ACTR3: variants seen among roughly 807,000 people sequenced by gnomAD.
ACTR3 encodes the protein actin-related protein 3.
ACTR3 carries 12 observed loss-of-function variants against 56.8 expected under a neutral mutation model. The observed-to-expected ratio is 0.21, with a 90% CI of 0.14 to 0.34. The LOEUF is 0.34. Among genes scored for constraint, ACTR3 ranks in the 10% least tolerant of loss-of-function variants. ACTR3 has a pLI of 1.00. For synonymous variants in ACTR3, 162 were observed against 167.4 expected, an observed-to-expected ratio of 0.97 and a Z score of 0.25; for missense variants, 282 against 512.5, an observed-to-expected ratio of 0.55 and a Z score of 4.34.
At chr2:113,946,184 G>T (rs1340409320) in intron 8 of ACTR3, among the ~76,000 whole-genome samples, 2 of 152,030 alleles carry the variant, frequency 1.3e-5, no homozygotes, top group African/African-American at 4.8e-5. Flanking sequence ...TTATGTTTTA[G>T]GTTCTTGAGG....
chr2:113,900,059 TA>T (rs1358287280), intron 1 of ACTR3, among the ~76,000 whole-genome samples: 13 of 152,244 alleles, frequency 8.5e-5, no homozygotes, highest in African/African-American at 2.9e-4. Flanking sequence ...AGTCTGGGTC[TA>T]GTATTTTACT....
At position 113,951,405 on chromosome 2, in the gene ACTR3, CTT is replaced by C. The variant is rs1170887871; in HGVS notation, c.859-72_859-71del. On this transcript the variant is annotated intron_variant, in intron 8 of 11. Transcript: ENST00000263238. Reference sequence around the variant, plus strand: ...AGGCCTTTTGTTTTTGAACTGAAAACTTTGTTTAACCTTTTATTGTGATATTT... The same window carrying C: ...AGGCCTTTTGTTTTTGAACTGAAAACTGTTTAACCTTTTATTGTGATATTT... The C allele has an allele frequency of 6.7e-6, 7 of 1,049,588 alleles. 1 individual carries two copies. The Admixed American group carries it at 1.3e-4, about 19-fold the overall frequency. The allele number at this position is 1,049,588 out of a possible 1,614,324, so 65.0% of individuals were successfully genotyped here.
At chr2:113,903,510 C>T (rs77317731) in intron 1 of ACTR3, among the ~76,000 whole-genome samples, 6,855 of 151,356 alleles carry the variant, frequency 0.045, 511 homozygotes, top group African/African-American at 0.16. Context: ...GGATTACAGG[C>T]TTACACCACC....
intron 1 of ACTR3, among the ~76,000 whole-genome samples, chr2:113,896,898 T>C (rs1679018712): frequency 6.6e-6 from 1 of 152,240 alleles, no homozygotes; most frequent in Non-Finnish European, 1.5e-5. Flanking sequence ...TTGTCCAGCA[T>C]GCTCCTGCTC....
intron 3 of ACTR3, among the ~76,000 whole-genome samples, chr2:113,926,739 G>C (rs916914851): frequency 6.6e-6 from 1 of 152,128 alleles, no homozygotes; most frequent in Non-Finnish European, 1.5e-5. Context: ...ACCACCTCTC[G>C]ATACTATAAC....
intron 1 of ACTR3, among the ~76,000 whole-genome samples, chr2:113,912,837 C>T (rs1163301079): frequency 1.3e-5 from 2 of 152,158 alleles, no homozygotes; most frequent in Non-Finnish European, 2.9e-5. Context: ...ATAAACTTAG[C>T]ATATTTCAAT....
intron 10 of ACTR3, 93 bp from the exon 11 acceptor site, chr2:113,955,530 T>G: frequency 3.3e-6 from 3 of 898,044 alleles, no homozygotes; most frequent in Non-Finnish European, 1.7e-6. Context: ...TTAGTACAGA[T>G]ATTATTTTTG....
chr2:113,899,669 A>G (rs971148081), intron 1 of ACTR3, among the ~76,000 whole-genome samples: 1 of 152,248 alleles, frequency 6.6e-6, no homozygotes, highest in African/African-American at 2.4e-5. Flanking sequence ...ATATGGGAAG[A>G]AGGACTTCAA....
At chr2:113,893,090 AG>A (rs1678936991) in intron 1 of ACTR3, among the ~76,000 whole-genome samples, 2 of 152,198 alleles carry the variant, frequency 1.3e-5, no homozygotes, top group Non-Finnish European at 2.9e-5. Flanking sequence ...TGGGGCACAT[AG>A]ATTCCCATTG....
At chr2:113,909,197 A>G (rs1679257357) in intron 1 of ACTR3, among the ~76,000 whole-genome samples, 1 of 152,178 alleles carries the variant, frequency 6.6e-6, no homozygotes, top group Non-Finnish European at 1.5e-5. Flanking sequence ...ATTATGGTAT[A>G]TCCATACAAT....
chr2:113,912,317 A>G (rs1333165757), intron 1 of ACTR3, among the ~76,000 whole-genome samples: 2 of 152,100 alleles, frequency 1.3e-5, no homozygotes, highest in Non-Finnish European at 2.9e-5. Flanking sequence ...CATTCTCTTT[A>G]AAGCCTGCTT....
In ACTR3 at chr2:113,961,474, T is replaced by C. The variant is rs183391398; in HGVS notation, c.*4019T>C. On this transcript the variant is annotated 3_prime_UTR_variant, in exon 12 of 12. Coordinates refer to ENST00000263238, the MANE Select transcript of ACTR3 (RefSeq NM_005721.5). Reference sequence around the variant, plus strand: ...AAGTATACGATATTCTATTTTGATTTAGCAATTACTTGTTTTCTAGTGTTC... The same window carrying C: ...AAGTATACGATATTCTATTTTGATTCAGCAATTACTTGTTTTCTAGTGTTC... The C allele has an allele frequency of 5.7e-4, 87 of 152,162 alleles. No homozygotes were observed. The highest frequency in any genetic ancestry group is 1.8e-4 in the Non-Finnish European group (12 of 67,890). The allele number at this position is 152,162 out of a possible 1,614,324, so 9.4% of individuals were successfully genotyped here.
chr2:113,902,747 C>T (rs1162060933), intron 1 of ACTR3, among the ~76,000 whole-genome samples: 3 of 151,948 alleles, frequency 2.0e-5, no homozygotes, highest in Non-Finnish European at 4.4e-5. Context: ...TTACAGGTGC[C>T]CGTCACCACG....
At chr2:113,895,405 G>T (rs1678988131) in intron 1 of ACTR3, among the ~76,000 whole-genome samples, 1 of 152,100 alleles carries the variant, frequency 6.6e-6, no homozygotes, top group Non-Finnish European at 1.5e-5. Flanking sequence ...ACATGGCTTG[G>T]TGCATAGTAG....
chr2:113,930,196 A>T (rs1679694634), intron 4 of ACTR3, among the ~76,000 whole-genome samples: 1 of 151,366 alleles, frequency 6.6e-6, no homozygotes, highest in South Asian at 2.1e-4. Context: ...CTTGGTTTTT[A>T]GTTTACTTAA....
At chr2:113,917,151 C>CTTTAA in intron 3 of ACTR3, 143 bp downstream of exon 3, 1 of 645,854 alleles carries the variant, frequency 1.5e-6, no homozygotes. Context: ...CCTATGGCAT[C>CTTTAA]CTTCCCTGTT....
intron 5 of ACTR3, among the ~76,000 whole-genome samples, chr2:113,932,456 A>G (rs1679741057): frequency 6.6e-6 from 1 of 152,206 alleles, no homozygotes; most frequent in African/African-American, 2.4e-5. Context: ...AGCTTACTTT[A>G]AAACACTGGC....
intron 1 of ACTR3, among the ~76,000 whole-genome samples, chr2:113,900,210 C>A (rs557790431): frequency 6.6e-6 from 1 of 152,010 alleles, no homozygotes; most frequent in Admixed American, 6.5e-5. Flanking sequence ...GCCTGGATGC[C>A]ACTTATTGGA....
chr2:113,901,148 A>G (rs940512040), intron 1 of ACTR3, among the ~76,000 whole-genome samples: 19 of 152,120 alleles, frequency 1.2e-4, no homozygotes, highest in Non-Finnish European at 2.2e-4. Flanking sequence ...GAGAAACCCC[A>G]TCTCTACTAA....
Sources: allele counts gnomAD v4.1 joint callset (sites outside exome capture counted in the v4.1 genomes callset), GRCh38; gene constraint gnomAD v4.1.1; transcripts MANE v1.5; gene names NCBI Gene and HGNC (gene_info 2026-07-23, HGNC 2026-07-21).